Variants in NPEPPS observed in about 807,000 individuals in gnomAD.
NPEPPS encodes the protein puromycin-sensitive aminopeptidase.
NPEPPS carries 14 observed loss-of-function variants against 115.5 expected under a neutral mutation model. The observed-to-expected ratio is 0.12, with a 90% CI of 0.08 to 0.19. The LOEUF (loss-of-function observed/expected upper bound fraction) is 0.19. NPEPPS is among the 10% of genes least tolerant of loss of function. The pLI is 1.00. For missense variants in NPEPPS, 523 were observed against 1,110.8 expected (o/e 0.47, Z 7.52); for synonymous variants, 285 against 390.6 (o/e 0.73, Z 3.19).
chr17:47,589,284 C>T (rs1281316943), intron 9 of NPEPPS, among the ~76,000 whole-genome samples: 4 of 152,140 alleles, frequency 2.6e-5, no homozygotes, highest in African/African-American at 9.7e-5. Flanking sequence ...AGAATGGGAT[C>T]TCACTTTGTC....
intron 17 of NPEPPS, among the ~76,000 whole-genome samples, chr17:47,606,987 G>A (rs1913556712): frequency 6.6e-6 from 1 of 152,028 alleles, no homozygotes; most frequent in South Asian, 2.1e-4. Flanking sequence ...AAGGTCAAGA[G>A]TTCAAGACCA....
At chr17:47,538,808 C>G (rs1218782781) in intron 1 of NPEPPS, among the ~76,000 whole-genome samples, 1 of 152,068 alleles carries the variant, frequency 6.6e-6, no homozygotes, top group African/African-American at 2.4e-5. Context: ...GATTACAGGC[C>G]TGAGCCACCG....
intron 1 of NPEPPS, among the ~76,000 whole-genome samples, chr17:47,537,541 A>C (rs34585118): frequency 6.6e-6 from 1 of 151,932 alleles, no homozygotes; most frequent in Non-Finnish European, 1.5e-5. Context: ...AAAAATACAA[A>C]AATTAGCCGG....
rs560876904 is a variant in NPEPPS at position 47,542,927 on chromosome 17, A to G, written c.256-2982A>G. On this transcript the variant is annotated intron_variant, in intron 1 of 22. Coordinates refer to ENST00000322157, the MANE Select transcript of NPEPPS (RefSeq NM_006310.4). Reference sequence around the variant, plus strand: ...GCTGAGACGGGCGAATCACGAGGTCAGGAGTTTGAGACCAGCCTGACCAAC... The same window carrying G: ...GCTGAGACGGGCGAATCACGAGGTCGGGAGTTTGAGACCAGCCTGACCAAC... 1.2e-3 allele frequency among the ~76,000 whole-genome samples: 182 copies of G among 152,096 alleles called. 1 individual carries two copies. The highest frequency in any genetic ancestry group is 4.2e-3 in the African/African-American group (174 of 41,504).
chr17:47,619,893 G>C, intron 22 of NPEPPS, 109 bp downstream of exon 22: 1 of 939,378 alleles, frequency 1.1e-6, no homozygotes, highest in Non-Finnish European at 1.7e-6. Context: ...CTGTGTTTTT[G>C]TTTAGAGAAA....
intron 5 of NPEPPS, among the ~76,000 whole-genome samples, chr17:47,584,743 C>G (rs1912081424): frequency 6.6e-6 from 1 of 152,124 alleles, no homozygotes; most frequent in Non-Finnish European, 1.5e-5. Flanking sequence ...AATTTCTTCA[C>G]AAATAAGCTT....
intron 9 of NPEPPS, among the ~76,000 whole-genome samples, chr17:47,588,564 C>CAAA (rs143068684): frequency 5.3e-5 from 7 of 132,792 alleles, no homozygotes; most frequent in Non-Finnish European, 9.8e-5. Context: ...AACTCCATCT[C>CAAA]AAAAAAAAAA....
At chr17:47,554,411 G>T (rs546327948) in intron 2 of NPEPPS, among the ~76,000 whole-genome samples, 1 of 151,766 alleles carries the variant, frequency 6.6e-6, no homozygotes. Context: ...GCCCAGGTTG[G>T]AGTGCAGTGG....
chr17:47,536,017 T>A lies in NPEPPS; in HGVS notation c.255+4462T>A, dbSNP rs528246482. 6.6e-5 allele frequency among the ~76,000 whole-genome samples: 10 copies of A among 152,054 alleles called. No homozygotes were observed. In the East Asian group the frequency reaches 1.7e-3, roughly 27 times the overall value. ...ATGCCTGGCTGATTTTTTTGTATTT[T>A]TAGTGGAGATGGGGTTTCACCATAT... On this transcript the variant is annotated intron_variant, in intron 1 of 22. Transcript: ENST00000322157.
chr17:47,608,483 G>A (rs1052900942), intron 17 of NPEPPS, among the ~76,000 whole-genome samples: 6 of 151,730 alleles, frequency 4.0e-5, no homozygotes, highest in Non-Finnish European at 7.4e-5. Flanking sequence ...AAGTGAGGGG[G>A]TGGGAATCAT....
upstream of NPEPPS, among the ~76,000 whole-genome samples, chr17:47,528,574 A>C (rs1348291216): frequency 6.6e-6 from 1 of 152,222 alleles, no homozygotes; most frequent in Non-Finnish European, 1.5e-5. Context: ...TGTGCTATAA[A>C]TGTAAAATAC....
At chr17:47,589,165 T>C (rs1912361036) in intron 9 of NPEPPS, among the ~76,000 whole-genome samples, 1 of 152,004 alleles carries the variant, frequency 6.6e-6, no homozygotes, top group Admixed American at 6.5e-5. Context: ...TAAACTGGTC[T>C]CAAACTCCTG....
chr17:47,595,355 T>C (rs532729127), intron 12 of NPEPPS, among the ~76,000 whole-genome samples: 1 of 152,322 alleles, frequency 6.6e-6, no homozygotes, highest in South Asian at 2.1e-4. Flanking sequence ...CATGAACCAC[T>C]GCGTCCAGCC....
intron 19 of NPEPPS, among the ~76,000 whole-genome samples, chr17:47,617,425 T>C (rs1022247554): frequency 6.6e-6 from 1 of 152,030 alleles, no homozygotes; most frequent in African/African-American, 2.4e-5. Context: ...TGGTACGATA[T>C]GGGCTCACTG....
intron 2 of NPEPPS, among the ~76,000 whole-genome samples, chr17:47,549,414 C>T (rs755252884): frequency 4.0e-5 from 6 of 151,850 alleles, no homozygotes; most frequent in Non-Finnish European, 5.9e-5. Context: ...CGGGAAAAAA[C>T]CTGAAGTCAT....
At chr17:47,602,192 C>CA in intron 15 of NPEPPS, among the ~76,000 whole-genome samples, 1 of 152,188 alleles carries the variant, frequency 6.6e-6, no homozygotes, top group Non-Finnish European at 1.5e-5. Flanking sequence ...AACCATTTCA[C>CA]AAAAATACCA....
At chr17:47,578,756 T>A (rs1911687372) in intron 3 of NPEPPS, among the ~76,000 whole-genome samples, 2 of 151,956 alleles carry the variant, frequency 1.3e-5, no homozygotes, top group African/African-American at 4.8e-5. Context: ...GTCTTCCCTA[T>A]AGCTCCTTAC....
At chr17:47,555,838 AATT>A (rs1909972559) in intron 2 of NPEPPS, among the ~76,000 whole-genome samples, 1 of 151,948 alleles carries the variant, frequency 6.6e-6, no homozygotes, top group African/African-American at 2.4e-5. Context: ...GGGCCAAGGG[AATT>A]ATTATCTTGA....
At chr17:47,601,140 C>G (rs1173412875) in intron 14 of NPEPPS, among the ~76,000 whole-genome samples, 1 of 152,078 alleles carries the variant, frequency 6.6e-6, no homozygotes, top group African/African-American at 2.4e-5. Flanking sequence ...GAAGCTGAGG[C>G]ACAAGAACTT....
Sources: allele counts gnomAD v4.1 joint callset (sites outside exome capture counted in the v4.1 genomes callset), GRCh38; gene constraint gnomAD v4.1.1; transcripts MANE v1.5; gene names NCBI Gene and HGNC (gene_info 2026-07-23, HGNC 2026-07-21).